ALPK1: variants seen among roughly 807,000 people sequenced by gnomAD.
ALPK1 encodes alpha kinase 1.
A neutral mutation model predicts 120.6 loss-of-function variants in ALPK1; 110 were observed. The ratio of observed to expected loss-of-function variants is 0.91; its 90% CI spans 0.78 to 1.07. The LOEUF (loss-of-function observed/expected upper bound fraction) is 1.07, where lower values mean the gene tolerates loss of function less well. Ranked by LOEUF, ALPK1 falls within the 50% of genes least tolerant of loss-of-function variation. ALPK1 has a pLI of 0.00. For missense variants in ALPK1, 1,498 were observed against 1,483.9 expected (o/e 1.01, Z -0.16); for synonymous variants, 582 against 560.3 (o/e 1.04, Z -0.55).
At chr4:112,358,431 GC>G in intron 2 of ALPK1, 1 of 648,388 alleles carries the variant, frequency 1.5e-6, no homozygotes. Flanking sequence ...AAGTCAACTG[GC>G]CCCCTCCTCT....
intron 13 of ALPK1, 122 bp from the exon 14 acceptor site, chr4:112,439,564 T>C (rs1734937165): frequency 1.4e-6 from 1 of 697,836 alleles, no homozygotes; most frequent in East Asian, 2.9e-5. Context: ...ACTTTACCCA[T>C]GATGAAATTG....
At chr4:112,365,407 A>G (rs1731098087) in intron 2 of ALPK1, among the ~76,000 whole-genome samples, 1 of 152,222 alleles carries the variant, frequency 6.6e-6, no homozygotes, top group Non-Finnish European at 1.5e-5. Flanking sequence ...CCTACTATAT[A>G]CCAATAGTGA....
At chr4:112,413,634 G>T (rs1243927392) in intron 5 of ALPK1, among the ~76,000 whole-genome samples, 1 of 152,226 alleles carries the variant, frequency 6.6e-6, no homozygotes, top group Admixed American at 6.5e-5. Flanking sequence ...GCCCAGGCTG[G>T]TGTCAAACTC....
At chr4:112,353,293 CCA>C (rs1208460438) in intron 2 of ALPK1, among the ~76,000 whole-genome samples, 4 of 152,066 alleles carry the variant, frequency 2.6e-5, no homozygotes, top group Non-Finnish European at 5.9e-5. Context: ...CTTTTCTAAT[CCA>C]CTCTCCCCAT....
chr4:112,405,553 C>T (rs946083721), intron 4 of ALPK1, among the ~76,000 whole-genome samples: 5 of 152,020 alleles, frequency 3.3e-5, no homozygotes, highest in African/African-American at 1.2e-4. Flanking sequence ...TGACTTCAGC[C>T]CCAGCTTTAA....
intron 2 of ALPK1, among the ~76,000 whole-genome samples, chr4:112,322,108 A>T (rs1728890942): frequency 6.6e-6 from 1 of 152,196 alleles, no homozygotes; most frequent in African/African-American, 2.4e-5. Context: ...TAACACCCAG[A>T]CTGGCTTATT....
At chr4:112,374,373 C>A (rs531327861) in intron 2 of ALPK1, among the ~76,000 whole-genome samples, 53 of 152,316 alleles carry the variant, frequency 3.5e-4, no homozygotes, top group African/African-American at 1.3e-3. Context: ...TTCTAGTTCT[C>A]TTGCTATTTC....
chr4:112,358,268 T>G (rs1224810293), intron 2 of ALPK1: 2 of 589,710 alleles, frequency 3.4e-6, no homozygotes, highest in African/African-American at 3.7e-5. Flanking sequence ...GCTGCCCTCC[T>G]GGGTGCGTCC....
rs571835082 is a variant in ALPK1, at chr4:112,321,796, A to C, written c.-101+5944A>C. ...AAATACGAGTATTTGTCAGTTGCATAATATGCACTGCTATTTTAATGTTCC... is the reference window on the plus strand; with the variant it reads ...AAATACGAGTATTTGTCAGTTGCATCATATGCACTGCTATTTTAATGTTCC... On this transcript the variant is annotated intron_variant, in intron 2 of 15. Coordinates refer to ENST00000650871, the MANE Select transcript of ALPK1 (RefSeq NM_025144.4). Among the ~76,000 whole-genome samples the C allele has an allele frequency of 2.9e-4, 44 of 152,346 alleles. 2 individuals carry two copies. In the South Asian group the frequency reaches 8.5e-3, roughly 29 times the overall value.
intron 2 of ALPK1, chr4:112,356,798 A>C (rs1181505925): frequency 1.4e-6 from 1 of 733,452 alleles, no homozygotes; most frequent in Non-Finnish European, 2.6e-6. Context: ...CATCGTCTTC[A>C]TCCCATACAG....
chr4:112,423,458 A>G (rs1734088767), intron 5 of ALPK1, among the ~76,000 whole-genome samples: 1 of 152,216 alleles, frequency 6.6e-6, no homozygotes, highest in African/African-American at 2.4e-5. Flanking sequence ...TGTGTTTCCA[A>G]CAGGTGTCCA....
intron 2 of ALPK1, among the ~76,000 whole-genome samples, chr4:112,348,055 G>A (rs949815013): frequency 6.6e-6 from 1 of 152,126 alleles, no homozygotes; most frequent in Non-Finnish European, 1.5e-5. Flanking sequence ...AAGAAAGTAA[G>A]CAGAGTGGTT....
In ALPK1 at chr4:112,411,972, C is replaced by G. The variant is rs1288395844; in HGVS notation, c.422C>G (p.Thr141Arg). 1 of 1,614,090 alleles carries G rather than the reference C, an allele frequency of 6.2e-7. No homozygotes were observed. The highest frequency in any genetic ancestry group is 8.5e-7 in the Non-Finnish European group (1 of 1,180,044). ...AKGLHKLQPA[T>R]PIAPQVVIRQ... ...GGTCTCCACAAGTTGCAGCCAGCCA[C>G]GCCAATTGCCCCGCAGGTGGTTATT... The change falls in exon 5 of 16, where the codon ACG (threonine) becomes AGG (arginine). Residue 141 changes from threonine to arginine, a missense_variant. By Grantham distance (71) the Thr-to-Arg change is moderately conservative. Coordinates refer to ENST00000650871, the MANE Select transcript of ALPK1 (RefSeq NM_025144.4).
At chr4:112,386,624 C>T (rs1240825624) in intron 4 of ALPK1, among the ~76,000 whole-genome samples, 4 of 152,212 alleles carry the variant, frequency 2.6e-5, no homozygotes, top group African/African-American at 7.2e-5. Context: ...GGGTTACCAT[C>T]ATCTTTAATG....
chr4:112,408,473 C>CTTTT (rs754785103), intron 4 of ALPK1, among the ~76,000 whole-genome samples: 7 of 143,588 alleles, frequency 4.9e-5, no homozygotes, highest in African/African-American at 1.3e-4. Flanking sequence ...CAATGACTGA[C>CTTTT]TTTTTTTTTT....
chr4:112,330,990 G>T (rs1396928669), intron 2 of ALPK1, among the ~76,000 whole-genome samples: 1 of 152,172 alleles, frequency 6.6e-6, no homozygotes, highest in African/African-American at 2.4e-5. Context: ...TGATGAAAGA[G>T]GTTCACTATG....
At chr4:112,352,733 T>G (rs1305107582) in intron 2 of ALPK1, 1 of 152,186 alleles carries the variant, frequency 6.6e-6, no homozygotes, top group Non-Finnish European at 1.5e-5. Flanking sequence ...TAACAATATA[T>G]TGTTTGGTTA....
chr4:112,346,658 T>A (rs143247786), intron 2 of ALPK1, among the ~76,000 whole-genome samples: 119 of 152,346 alleles, frequency 7.8e-4, no homozygotes, highest in Middle Eastern at 3.4e-3. Flanking sequence ...ATTGCAGGTT[T>A]TGGTATGTGA....
intron 4 of ALPK1, among the ~76,000 whole-genome samples, chr4:112,401,968 T>G (rs1732934625): frequency 6.6e-6 from 1 of 152,194 alleles, no homozygotes; most frequent in Admixed American, 6.5e-5. Flanking sequence ...CTCACCTCCT[T>G]ATCACATTTA....
Sources: allele counts gnomAD v4.1 joint callset (sites outside exome capture counted in the v4.1 genomes callset), GRCh38; gene constraint gnomAD v4.1.1; transcripts MANE v1.5; gene names NCBI Gene and HGNC (gene_info 2026-07-23, HGNC 2026-07-21).